Variants in DENND4C observed in about 807,000 individuals in gnomAD.
The protein encoded by DENND4C is DENN domain-containing protein 4C.
In DENND4C, 108 loss-of-function variants were observed where a neutral mutation model predicts 203.0. The observed-to-expected ratio is 0.53, with a 90% confidence interval of 0.46 to 0.62. DENND4C has a LOEUF of 0.62. Ranked by LOEUF, DENND4C falls within the 20% of genes least tolerant of loss-of-function variation. DENND4C has a pLI of 0.00. For synonymous variants in DENND4C, 871 were observed against 792.4 expected (o/e 1.10, Z -1.67); for missense variants, 2,481 against 2,301.2 (o/e 1.08, Z -1.60).
At chr9:19,343,128 G>A (rs1420523440) in intron 22 of DENND4C, among the ~76,000 whole-genome samples, 1 of 152,092 alleles carries the variant, frequency 6.6e-6, no homozygotes, top group Admixed American at 6.5e-5. Flanking sequence ...ATTCCAGAGG[G>A]CTTATGAGTG....
At chr9:19,231,148 C>T (rs570547650) in intron 1 of DENND4C, among the ~76,000 whole-genome samples, 422 of 152,312 alleles carry the variant, frequency 2.8e-3, no homozygotes, top group South Asian at 8.9e-3. Flanking sequence ...CGCGAGGGGT[C>T]TGGGCCCGGG....
intron 1 of DENND4C, among the ~76,000 whole-genome samples, chr9:19,252,327 ACC>A (rs1826831276): frequency 6.6e-6 from 1 of 152,120 alleles, no homozygotes; most frequent in South Asian, 2.1e-4. Context: ...ATTACCTCTC[ACC>A]AGGTTCCTCC....
At chr9:19,265,149 G>T (rs895587658) in intron 1 of DENND4C, among the ~76,000 whole-genome samples, 56 of 151,998 alleles carry the variant, frequency 3.7e-4, no homozygotes, top group African/African-American at 1.3e-3. Context: ...TAAATAGCTG[G>T]AACTACAGGT....
At position 19,358,007 on chromosome 9, in the gene DENND4C, A is replaced by T; in HGVS notation, c.5007A>T (p.Lys1669Asn). 2 of 1,613,368 alleles carry T rather than the reference A, an allele frequency of 1.2e-6. No individual in the cohort carries two copies. The highest frequency in any genetic ancestry group is 2.2e-5 in the South Asian group (2 of 90,994). The change falls in exon 28 of 33, where the codon AAA (lysine) becomes AAT (asparagine). Residue 1669 changes from lysine (K) to asparagine (N), a missense_variant. Around this residue, in one of 3 missense-constraint regions of DENND4C, gnomAD observed 2,289 missense variants for 2,113.3 expected, o/e 1.08. Coordinates refer to ENST00000434457, the MANE Select transcript of DENND4C (RefSeq NM_001330640.2). The surrounding 1 kb of genome is among the most constrained non-coding windows in gnomAD (Gnocchi z 4.8). The part of the protein sequence containing the change: ...KRASGDVQTM[K>N]ISSVPNSLSK... The stretch of plus-strand genomic sequence containing the variant: ...CCAGTGGAGATGTCCAAACTATGAA[A>T]ATTTCATCTGTGCCTAATAGTTTAT...
intron 1 of DENND4C, among the ~76,000 whole-genome samples, chr9:19,236,239 G>T (rs1335823106): frequency 6.6e-6 from 1 of 152,106 alleles, no homozygotes; most frequent in Non-Finnish European, 1.5e-5. Context: ...AGGTTAAACA[G>T]CCCTATAAAT....
rs146328631 is a variant in DENND4C at position 19,335,368 on chromosome 9, T to C, written c.2589+263T>C. Among the ~76,000 whole-genome samples, 825 of 152,290 alleles carry C rather than the reference T, an allele frequency of 5.4e-3. 25 individuals are homozygous for C. The highest frequency in any genetic ancestry group is 0.034 in the Admixed American group (516 of 15,296). ...TTCATTGTTTTGTGGTGAGAACACT[T>C]CTAATCTCTTAGAAATTTTCAAAAT... On this transcript the variant is annotated intron_variant, in intron 18 of 32. Transcript: ENST00000434457.
chr9:19,241,096 G>A (rs1805509239), intron 1 of DENND4C, among the ~76,000 whole-genome samples: 1 of 152,136 alleles, frequency 6.6e-6, no homozygotes, highest in African/African-American at 2.4e-5. Flanking sequence ...TGCTCTGGGC[G>A]AGTCACTGAA....
intron 20 of DENND4C, chr9:19,337,702 G>A: frequency 7.9e-7 from 1 of 1,262,582 alleles, no homozygotes; most frequent in Non-Finnish European, 1.0e-6. Context: ...GTTAAATTTT[G>A]CTGACCTGCA....
At chr9:19,363,165 C>G (rs1826857695) in intron 30 of DENND4C, among the ~76,000 whole-genome samples, 1 of 152,172 alleles carries the variant, frequency 6.6e-6, no homozygotes, top group Non-Finnish European at 1.5e-5. Flanking sequence ...TGTGCATGCA[C>G]ATGCACACAT....
intron 2 of DENND4C, among the ~76,000 whole-genome samples, chr9:19,282,715 C>CTTT (rs1554717864): frequency 5.1e-4 from 44 of 86,662 alleles, no homozygotes; most frequent in East Asian, 8.1e-4. Flanking sequence ...TTTCTTCTCT[C>CTTT]TTTTTTTTTT....
At position 19,328,029 on chromosome 9, in the gene DENND4C, G is replaced by C; in HGVS notation, c.2121-1G>C. On this transcript the variant is annotated splice_acceptor_variant, in intron 15 of 32. Transcript: ENST00000434457. LOFTEE classifies it high-confidence loss of function. ...CAGTTCTATTTTTTTTTTTATTTTAGTTACAAATACTTTCCAAGACTGGAC... is the reference window on the plus strand; with the variant it reads ...CAGTTCTATTTTTTTTTTTATTTTACTTACAAATACTTTCCAAGACTGGAC... The C allele has an allele frequency of 6.3e-7, 1 of 1,578,450 alleles. No individual in the cohort carries two copies. Among genetic ancestry groups the C allele is most frequent in the Non-Finnish European group, 8.6e-7 (1 of 1,169,200 alleles).
chr9:19,322,758 G>T (rs1004243925), intron 12 of DENND4C, among the ~76,000 whole-genome samples: 20 of 151,788 alleles, frequency 1.3e-4, no homozygotes, highest in Admixed American at 4.6e-4. Flanking sequence ...AAAATAAGGG[G>T]GCCAGTGGAT....
At chr9:19,249,929 A>G (rs1343359167) in intron 1 of DENND4C, among the ~76,000 whole-genome samples, 1 of 152,106 alleles carries the variant, frequency 6.6e-6, no homozygotes, top group African/African-American at 2.4e-5. Flanking sequence ...AATTGCTGGG[A>G]TTGCAGGCAT....
intron 12 of DENND4C, among the ~76,000 whole-genome samples, chr9:19,319,913 C>T (rs115106038): frequency 0.021 from 3,225 of 151,702 alleles, 119 homozygotes; most frequent in African/African-American, 0.073. Flanking sequence ...AGTTTGGGCC[C>T]AAAAAAAGCA....
chr9:19,240,855 T>A (rs1823506754), intron 1 of DENND4C, among the ~76,000 whole-genome samples: 2 of 151,680 alleles, frequency 1.3e-5, no homozygotes, highest in Admixed American at 6.6e-5. Context: ...TAATCCAAGC[T>A]ATTTGGGAGG....
chr9:19,255,534 T>C (rs1450704620), intron 1 of DENND4C, among the ~76,000 whole-genome samples: 1 of 152,212 alleles, frequency 6.6e-6, no homozygotes, highest in Non-Finnish European at 1.5e-5. Context: ...ATATACATTT[T>C]ATGTGAGAGG....
chr9:19,334,756 C>T (rs1200456507), intron 17 of DENND4C, among the ~76,000 whole-genome samples: 5 of 152,118 alleles, frequency 3.3e-5, no homozygotes, highest in East Asian at 3.9e-4. Context: ...GAACTCCTGA[C>T]CTCAGGTGAT....
chr9:19,298,470 G>C (rs73645586), intron 7 of DENND4C, among the ~76,000 whole-genome samples: 272 of 152,220 alleles, frequency 1.8e-3, no homozygotes, highest in African/African-American at 6.4e-3. Context: ...GCAATGGTTG[G>C]AGGAGGTTAA....
At chr9:19,249,161 G>A (rs1279995926) in intron 1 of DENND4C, among the ~76,000 whole-genome samples, 4 of 151,880 alleles carry the variant, frequency 2.6e-5, no homozygotes, top group Non-Finnish European at 5.9e-5. Flanking sequence ...GCTCCATAAA[G>A]ACAAGTATTT....
Sources: allele counts gnomAD v4.1 joint callset (sites outside exome capture counted in the v4.1 genomes callset), GRCh38; gene constraint gnomAD v4.1.1; regional missense constraint gnomAD v4.1.1; non-coding constraint Gnocchi (gnomAD v3.1); transcripts MANE v1.5; gene names NCBI Gene and HGNC (gene_info 2026-07-23, HGNC 2026-07-21).